Variants in SUCLG2 observed in about 807,000 individuals in gnomAD.
The protein encoded by SUCLG2 is succinate-CoA ligase GDP-forming subunit beta.
SUCLG2 carries 42 observed loss-of-function variants against 47.9 expected under a neutral mutation model. The ratio of observed to expected loss-of-function variants is 0.88; its 90% CI spans 0.69 to 1.14. The LOEUF is 1.14. Ranked by LOEUF, SUCLG2 falls within the 50% of genes most tolerant of loss-of-function variation. The probability of loss-of-function intolerance (pLI) is 0.00; values close to 1 mark genes in which losing one functional copy is unlikely to be tolerated. For missense variants in SUCLG2, 571 were observed against 525.9 expected (o/e 1.09, Z -0.84); for synonymous variants, 195 against 197.3 (o/e 0.99, Z 0.10).
chr3:67,401,880 T>C (rs1259335756), intron 9 of SUCLG2, among the ~76,000 whole-genome samples: 6 of 152,256 alleles, frequency 3.9e-5, no homozygotes, highest in African/African-American at 1.2e-4. Context: ...TACATTTGTA[T>C]AGCATTTAAA....
chr3:67,626,378 G>C (rs1700829899), intron 1 of SUCLG2, among the ~76,000 whole-genome samples: 1 of 152,018 alleles, frequency 6.6e-6, no homozygotes, highest in Non-Finnish European at 1.5e-5. Context: ...GCACCAAGCA[G>C]CAAGGGGTAT....
At chr3:67,407,236 T>C (rs1702834258) in intron 9 of SUCLG2, among the ~76,000 whole-genome samples, 1 of 152,220 alleles carries the variant, frequency 6.6e-6, no homozygotes, top group Admixed American at 6.5e-5. Context: ...CTGACACAGA[T>C]GTGATTTGGT....
intron 2 of SUCLG2, among the ~76,000 whole-genome samples, chr3:67,539,721 C>T (rs1003389249): frequency 3.9e-5 from 6 of 152,120 alleles, no homozygotes; most frequent in Non-Finnish European, 4.4e-5. Flanking sequence ...CTATTAATTA[C>T]TGCCTCAATT....
At chr3:67,447,805 C>G (rs1195385923) in intron 9 of SUCLG2, among the ~76,000 whole-genome samples, 1 of 152,214 alleles carries the variant, frequency 6.6e-6, no homozygotes, top group African/African-American at 2.4e-5. Flanking sequence ...TCTCAGCTCA[C>G]TGCAACCTCT....
intron 2 of SUCLG2, among the ~76,000 whole-genome samples, chr3:67,591,425 C>A (rs1222192770): frequency 6.6e-6 from 1 of 152,198 alleles, no homozygotes; most frequent in East Asian, 1.9e-4. Flanking sequence ...CCATCCAAAT[C>A]TCACCTTGAA....
At chr3:67,361,615 C>T (rs80336765) in intron 10 of SUCLG2, among the ~76,000 whole-genome samples, 35 of 152,148 alleles carry the variant, frequency 2.3e-4, no homozygotes, top group Admixed American at 2.0e-4. Context: ...CAGCCTGCAG[C>T]GACTAAAATG....
At chr3:67,496,845 C>T (rs1419125716) in intron 8 of SUCLG2, among the ~76,000 whole-genome samples, 1 of 151,818 alleles carries the variant, frequency 6.6e-6, no homozygotes, top group Non-Finnish European at 1.5e-5. Flanking sequence ...AGGTAAAGTA[C>T]CTTTCATTTT....
At chr3:67,606,499 T>C (rs1319970605) in intron 2 of SUCLG2, among the ~76,000 whole-genome samples, 2 of 152,194 alleles carry the variant, frequency 1.3e-5, no homozygotes, top group Non-Finnish European at 2.9e-5. Context: ...ACTTGAACTT[T>C]ACATTTCTTT....
chr3:67,418,947 T>C (rs1034122450), intron 9 of SUCLG2, among the ~76,000 whole-genome samples: 4 of 152,112 alleles, frequency 2.6e-5, no homozygotes, highest in African/African-American at 9.7e-5. Flanking sequence ...AGTGAAACCT[T>C]TGAAATAGCT....
In SUCLG2 at chr3:67,576,997, G is replaced by A. The variant is rs191687433; in HGVS notation, c.226+32458C>T. On this transcript the variant is annotated intron_variant, in intron 2 of 10. Transcript: ENST00000307227. Reference sequence around the variant, plus strand: ...GAACTCTACTGATTGATCGACCCAGGTAGATGGTCTAAGGAAAGAATTAAG... The same window carrying A: ...GAACTCTACTGATTGATCGACCCAGATAGATGGTCTAAGGAAAGAATTAAG... Among the ~76,000 whole-genome samples, 384 of 152,220 alleles carry A rather than the reference G, an allele frequency of 2.5e-3. 6 individuals are homozygous for A. The highest frequency in any genetic ancestry group is 8.6e-3 in the African/African-American group (357 of 41,530).
At chr3:67,560,138 C>T (rs1707270589) in intron 2 of SUCLG2, among the ~76,000 whole-genome samples, 1 of 152,136 alleles carries the variant, frequency 6.6e-6, no homozygotes, top group African/African-American at 2.4e-5. Context: ...TCTGAAAATT[C>T]AGTTGTTGAA....
At chr3:67,578,741 CA>C (rs2107252848) in intron 2 of SUCLG2, among the ~76,000 whole-genome samples, 1 of 152,280 alleles carries the variant, frequency 6.6e-6, no homozygotes, top group East Asian at 1.9e-4. Flanking sequence ...GGAAGAAAGA[CA>C]AGGCAAGGAA....
At chr3:67,454,479 C>T (rs1045931400) in intron 9 of SUCLG2, among the ~76,000 whole-genome samples, 2 of 151,934 alleles carry the variant, frequency 1.3e-5, no homozygotes, top group African/African-American at 4.8e-5. Flanking sequence ...TAGTATTTAA[C>T]GATTTGCCAT....
intron 9 of SUCLG2, among the ~76,000 whole-genome samples, chr3:67,420,266 G>A (rs4856863): frequency 0.46 from 69,468 of 151,996 alleles, 16,549 homozygotes; most frequent in Non-Finnish European, 0.54. Flanking sequence ...AATAGGCAAC[G>A]TAATAAACTG....
At chr3:67,617,151 A>G (rs758212849) in intron 1 of SUCLG2, among the ~76,000 whole-genome samples, 2 of 152,244 alleles carry the variant, frequency 1.3e-5, no homozygotes, top group Non-Finnish European at 2.9e-5. Context: ...GTGTCTCAAT[A>G]TAAGTGTCAT....
intron 2 of SUCLG2, among the ~76,000 whole-genome samples, chr3:67,549,054 T>C (rs1346387472): frequency 1.3e-5 from 2 of 152,208 alleles, no homozygotes; most frequent in Non-Finnish European, 2.9e-5. Flanking sequence ...TCATTATTTA[T>C]ATATAAGTTT....
intron 9 of SUCLG2, among the ~76,000 whole-genome samples, chr3:67,483,682 A>G (rs1406819471): frequency 6.6e-6 from 1 of 152,172 alleles, no homozygotes; most frequent in Admixed American, 6.5e-5. Flanking sequence ...CACTTAATAT[A>G]TTCTTGTTTG....
chr3:67,385,773 T>A (rs900878500), intron 10 of SUCLG2, among the ~76,000 whole-genome samples: 2 of 152,230 alleles, frequency 1.3e-5, no homozygotes, highest in African/African-American at 4.8e-5. Flanking sequence ...GTAATACTTT[T>A]GTTTCCTCAG....
intron 1 of SUCLG2, among the ~76,000 whole-genome samples, chr3:67,643,130 C>T (rs1164221894): frequency 6.6e-6 from 1 of 152,160 alleles, no homozygotes; most frequent in East Asian, 1.9e-4. Flanking sequence ...ATCATAAAAA[C>T]ACACTAAACA....
Sources: allele counts gnomAD v4.1 joint callset (sites outside exome capture counted in the v4.1 genomes callset), GRCh38; gene constraint gnomAD v4.1.1; transcripts MANE v1.5; gene names NCBI Gene and HGNC (gene_info 2026-07-23, HGNC 2026-07-21).